The following CAPRIN2 variants were observed in gnomAD, a reference collection of about 807,000 sequenced individuals.
CAPRIN2 encodes caprin family member 2, also known as caprin-2.
Under a neutral mutation model 130.4 loss-of-function variants are expected in CAPRIN2, and 66 were observed. The observed-to-expected ratio is 0.51, with a 90% CI of 0.42 to 0.62. The LOEUF (loss-of-function observed/expected upper bound fraction) is 0.62. Ranked by LOEUF, CAPRIN2 falls within the 20% of genes least tolerant of loss-of-function variation. The probability of loss-of-function intolerance (pLI) is 0.00; values close to 1 mark genes in which losing one functional copy is unlikely to be tolerated. For synonymous variants in CAPRIN2, 471 were observed against 444.1 expected (o/e 1.06, Z -0.76); for missense variants, 1,185 against 1,246.6 (o/e 0.95, Z 0.74).
At chr12:30,711,205 T>C (rs982842686) in intron 16 of CAPRIN2, among the ~76,000 whole-genome samples, 3 of 152,202 alleles carry the variant, frequency 2.0e-5, no homozygotes, top group Non-Finnish European at 4.4e-5. Context: ...CTTATTTGAA[T>C]CTATTAATGC....
At chr12:30,727,584 A>G (rs1453377890) in intron 8 of CAPRIN2, among the ~76,000 whole-genome samples, 1 of 152,198 alleles carries the variant, frequency 6.6e-6, no homozygotes, top group African/African-American at 2.4e-5. Flanking sequence ...TGCATTATAA[A>G]TAGTAGTAAA....
At chr12:30,725,021 A>G (rs967603965) in intron 9 of CAPRIN2, among the ~76,000 whole-genome samples, 3 of 152,138 alleles carry the variant, frequency 2.0e-5, no homozygotes, top group African/African-American at 4.8e-5. Flanking sequence ...AAAGCCTACA[A>G]TACTAAATCT....
chr12:30,721,284 G>C (rs2137056902), intron 11 of CAPRIN2, among the ~76,000 whole-genome samples: 1 of 152,326 alleles, frequency 6.6e-6, no homozygotes, highest in African/African-American at 2.4e-5. Flanking sequence ...CCCTGTAGTA[G>C]ATAGCATTCA....
At chr12:30,731,497 C>G (rs1029353011) in exon 6 of CAPRIN2, 1 of 1,611,998 alleles carries the variant, frequency 6.2e-7, no homozygotes, top group African/African-American at 1.3e-5. Context: ...ACAGTAGATC[C>G]TTCAAGTGTT....
chr12:30,719,436 A>G lies in CAPRIN2; in HGVS notation c.2148+1375T>C, dbSNP rs142191738. On this transcript the variant is annotated intron_variant, in intron 12 of 16. Transcript: ENST00000298892. ...CTTTGCACAGCTTGCTGACTAAGTG[A>G]AAGAGTCTTACCAATAATCAGTCTA... The G allele has an allele frequency of 2.6e-3, 1,430 of 547,028 alleles. 10 individuals carry two copies. Among genetic ancestry groups the G allele is most frequent in the African/African-American group, 0.024 (1,271 of 53,160 alleles). The allele number at this position is 547,028 out of a possible 1,614,324, so 33.9% of individuals were successfully genotyped here. A position where few individuals can be genotyped will look rare whatever the true frequency, so the allele number is the denominator to read the frequency against.
exon 8 of CAPRIN2, chr12:30,729,230 G>C: frequency 6.2e-7 from 1 of 1,613,184 alleles, no homozygotes; most frequent in Non-Finnish European, 8.5e-7. Context: ...AACGTTTTGG[G>C]AGATTTGGTT....
intron 3 of CAPRIN2, among the ~76,000 whole-genome samples, chr12:30,739,478 ATAATC>A (rs2066371637): frequency 6.6e-6 from 1 of 152,192 alleles, no homozygotes; most frequent in South Asian, 2.1e-4. Flanking sequence ...GGGTGACAAA[ATAATC>A]TATACAACAA....
chr12:30,741,218 T>C, intron 2 of CAPRIN2, 112 bp from the exon 4 acceptor site: 2 of 530,568 alleles, frequency 3.8e-6, no homozygotes, highest in Non-Finnish European at 6.4e-6. Context: ...GGCTATTTAC[T>C]ATACATACAC....
chr12:30,716,470 C>T, intron 13 of CAPRIN2, 38 bp downstream of exon 15: 1 of 1,582,242 alleles, frequency 6.3e-7, no homozygotes, highest in East Asian at 2.2e-5. Flanking sequence ...ATTGGCTGTC[C>T]CTCTAAGTCT....
chr12:30,745,869 A>C (rs1316293428), intron 2 of CAPRIN2, among the ~76,000 whole-genome samples: 1 of 152,238 alleles, frequency 6.6e-6, no homozygotes, highest in African/African-American at 2.4e-5. Context: ...AACAAGCTGT[A>C]TTAAAATTTT....
intron 10 of CAPRIN2, among the ~76,000 whole-genome samples, chr12:30,723,908 C>G (rs927032032): frequency 1.8e-4 from 28 of 152,166 alleles, no homozygotes; most frequent in African/African-American, 6.5e-4. Context: ...TGGAGAGAAA[C>G]AAATGTGGAG....
intron 14 of CAPRIN2, 21 bp from the exon 17 acceptor site, chr12:30,713,906 C>A: frequency 7.3e-7 from 1 of 1,360,716 alleles, no homozygotes; most frequent in East Asian, 2.3e-5. Context: ...AACAAACTTA[C>A]ATAAGATTAT....
At chr12:30,724,521 A>T in intron 9 of CAPRIN2, 70 bp from the exon 11 acceptor site, 1 of 1,012,876 alleles carries the variant, frequency 9.9e-7, no homozygotes. Flanking sequence ...CCATTGAATT[A>T]TTCATGATGC....
At chr12:30,733,814 A>G (rs2063536955) in intron 4 of CAPRIN2, 103 bp from the exon 6 acceptor site, 3 of 775,132 alleles carry the variant, frequency 3.9e-6, no homozygotes, top group African/African-American at 1.7e-5. Context: ...AAGACATTCA[A>G]ATGTTAATTT....
At chr12:30,711,487 G>C (rs766023357) in intron 16 of CAPRIN2, 79 bp downstream of exon 18, 19 of 1,140,600 alleles carry the variant, frequency 1.7e-5, no homozygotes, top group Non-Finnish European at 2.4e-5. Context: ...AATGTGCTTT[G>C]GAAAGAACTT....
chr12:30,733,797 A>C, intron 4 of CAPRIN2, 86 bp from the exon 6 acceptor site: 1 of 849,370 alleles, frequency 1.2e-6, no homozygotes, highest in Non-Finnish European at 2.0e-6. Context: ...ATAACCCATT[A>C]ACAGACAAGA....
intron 5 of CAPRIN2, among the ~76,000 whole-genome samples, chr12:30,731,748 G>C (rs1197848342): frequency 6.6e-6 from 1 of 151,962 alleles, no homozygotes; most frequent in East Asian, 1.9e-4. Context: ...GAATCAATAT[G>C]AATTTTAATG....
chr12:30,715,874 C>T (rs1431431344), intron 13 of CAPRIN2: 1 of 158,146 alleles, frequency 6.3e-6, no homozygotes, highest in East Asian at 1.9e-4. Context: ...CATATTACTA[C>T]CTCTTCATCA....
chr12:30,732,876 C>T (rs1289711912), intron 5 of CAPRIN2, among the ~76,000 whole-genome samples: 3 of 152,044 alleles, frequency 2.0e-5, no homozygotes, highest in Non-Finnish European at 2.9e-5. Flanking sequence ...AATTGCTTAG[C>T]GTTATAAGTG....
Sources: gnomAD v4.1 joint callset for allele counts (sites outside exome capture counted in the v4.1 genomes callset) on GRCh38, gnomAD v4.1.1 for gene constraint, MANE v1.5 for transcripts, NCBI Gene and HGNC (gene_info 2026-07-23, HGNC 2026-07-21) for gene names.